Variants in KIF26B observed in about 807,000 individuals in gnomAD.
The protein encoded by KIF26B is kinesin family member 26B, also known as kinesin-like protein KIF26B.
Under a neutral mutation model 151.2 loss-of-function variants are expected in KIF26B, and 63 were observed. That is an observed-to-expected ratio of 0.42 (90% CI 0.34 to 0.51). The LOEUF (loss-of-function observed/expected upper bound fraction) is 0.51, where lower values mean the gene tolerates loss of function less well. Among genes scored for constraint, KIF26B ranks in the 20% least tolerant of loss-of-function variants. The pLI is 0.07. For synonymous variants in KIF26B, 1,357 were observed against 1,262.1 expected, an observed-to-expected ratio of 1.08 and a Z score of -1.59; for missense variants, 2,813 against 2,913.6, an observed-to-expected ratio of 0.97 and a Z score of 0.79.
At chr1:245,587,623 A>G (rs903790550) in intron 5 of KIF26B, among the ~76,000 whole-genome samples, 6 of 152,208 alleles carry the variant, frequency 3.9e-5, no homozygotes, top group African/African-American at 1.4e-4. Flanking sequence ...ATTAGGGAAC[A>G]GCAGCTTGAG....
intron 9 of KIF26B, among the ~76,000 whole-genome samples, chr1:245,643,291 TCTC>T (rs1333281209): frequency 6.6e-6 from 1 of 152,198 alleles, no homozygotes; most frequent in Non-Finnish European, 1.5e-5. Context: ...GTTCTCTCTC[TCTC>T]TTTTTTGCTT....
chr1:245,599,296 A>C lies in KIF26B; in HGVS notation c.1351-3281A>C, dbSNP rs566550878. Among the ~76,000 whole-genome samples the C allele has an allele frequency of 4.7e-4, 71 of 152,360 alleles. 1 individual carries two copies. In the South Asian group the frequency reaches 0.013, roughly 28 times the overall value. On this transcript the variant is annotated intron_variant, in intron 5 of 14. Coordinates refer to ENST00000407071, the MANE Select transcript of KIF26B (RefSeq NM_018012.4). Reference sequence around the variant, plus strand: ...AAGGGAAAAAAAAGTCCATTTATTTAGACGCATTGCAAAGAAAAGAATGGA... The same window carrying C: ...AAGGGAAAAAAAAGTCCATTTATTTCGACGCATTGCAAAGAAAAGAATGGA...
chr1:245,515,700 A>G (rs1156599501), intron 4 of KIF26B, among the ~76,000 whole-genome samples: 2 of 152,162 alleles, frequency 1.3e-5, no homozygotes, highest in Non-Finnish European at 2.9e-5. Context: ...TGGGCCCATT[A>G]TTTGTTGTAG....
At chr1:245,637,455 C>A (rs2043847944) in intron 9 of KIF26B, among the ~76,000 whole-genome samples, 2 of 152,020 alleles carry the variant, frequency 1.3e-5, no homozygotes, top group South Asian at 4.1e-4. Flanking sequence ...TTCTCCCATT[C>A]CATATGTAGG....
chr1:245,173,976 G>A lies in KIF26B; in HGVS notation c.465+17293G>A, dbSNP rs530617043. Among the ~76,000 whole-genome samples, 6 of 152,314 alleles carry A rather than the reference G, an allele frequency of 3.9e-5. No individual in the cohort carries two copies. In the East Asian group the frequency reaches 7.7e-4, roughly 20 times the overall value. On this transcript the variant is annotated intron_variant, in intron 2 of 14. Transcript: ENST00000407071. ...AAAGTTTTACACGGGCAGGGCAGTC[G>A]TCATCACTAAGTAAACACATTGAGC...
chr1:245,258,869 A>G (rs1670586089), intron 2 of KIF26B, among the ~76,000 whole-genome samples: 2 of 152,148 alleles, frequency 1.3e-5, no homozygotes, highest in African/African-American at 2.4e-5. Context: ...TGCTTAACCC[A>G]TCTCCGCTCC....
chr1:245,586,332 A>AT (rs772671174), intron 5 of KIF26B, among the ~76,000 whole-genome samples: 43 of 152,144 alleles, frequency 2.8e-4, no homozygotes, highest in Non-Finnish European at 1.0e-4. Context: ...AACTAACTTC[A>AT]TAACACTCCA....
chr1:245,488,084 G>A lies in KIF26B; in HGVS notation c.1167-52683G>A, dbSNP rs1020338435. The stretch of plus-strand genomic sequence containing the variant: ...ATTACAGGCATGAGCTGCCACGCCC[G>A]GCCATGTATCTTTTTAAGTACAGGT... On this transcript the variant is annotated intron_variant, in intron 4 of 14. Coordinates refer to ENST00000407071, the MANE Select transcript of KIF26B (RefSeq NM_018012.4). This position sits in a 1 kb window ranked among gnomAD's most constrained non-coding sequence, Gnocchi z 4.6. Among the ~76,000 whole-genome samples, 2 of 152,000 alleles carry A rather than the reference G, an allele frequency of 1.3e-5. No homozygotes were observed. Among genetic ancestry groups the A allele is most frequent in the South Asian group, 2.1e-4 (1 of 4,816 alleles).
chr1:245,632,903 A>G (rs2043795989), intron 9 of KIF26B, among the ~76,000 whole-genome samples: 2 of 152,160 alleles, frequency 1.3e-5, no homozygotes, highest in Non-Finnish European at 2.9e-5. Flanking sequence ...GTGAGACCCC[A>G]TACCAAAAAA....
chr1:245,380,505 C>T (rs1673381705), intron 3 of KIF26B, among the ~76,000 whole-genome samples: 1 of 152,300 alleles, frequency 6.6e-6, no homozygotes, highest in African/African-American at 2.4e-5. Flanking sequence ...TTGTTCATGA[C>T]GTGCTCCCTT....
At chr1:245,680,523 C>T (rs924399241) in intron 10 of KIF26B, among the ~76,000 whole-genome samples, 2 of 152,102 alleles carry the variant, frequency 1.3e-5, no homozygotes, top group Non-Finnish European at 1.5e-5. Flanking sequence ...TGGGGAGTCG[C>T]GGAAATACAC....
chr1:245,345,825 A>G lies in KIF26B; in HGVS notation c.466-21009A>G, dbSNP rs138809533. ...ATTGGAAGCTGCCTGAGGCCTCCCCAGAAGCAGATGCCACCATGCTTCCTG... is the reference window on the plus strand; with the variant it reads ...ATTGGAAGCTGCCTGAGGCCTCCCCGGAAGCAGATGCCACCATGCTTCCTG... On this transcript the variant is annotated intron_variant, in intron 2 of 14. Coordinates refer to ENST00000407071, the MANE Select transcript of KIF26B (RefSeq NM_018012.4). Among the ~76,000 whole-genome samples the G allele has an allele frequency of 9.1e-3, 1,382 of 152,138 alleles. 13 individuals carry two copies. Among genetic ancestry groups the G allele is most frequent in the Non-Finnish European group, 0.015 (1,046 of 68,008 alleles).
intron 2 of KIF26B, among the ~76,000 whole-genome samples, chr1:245,259,574 T>G (rs913550568): frequency 1.3e-5 from 2 of 152,188 alleles, no homozygotes; most frequent in African/African-American, 4.8e-5. Flanking sequence ...CTTCACCCAC[T>G]GAGAACCTGC....
rs932750607 is a variant in KIF26B, at chr1:245,698,599, C to T, written c.6028-288C>T. Among the ~76,000 whole-genome samples, 1 of 152,184 alleles carries T rather than the reference C, an allele frequency of 6.6e-6. No homozygotes were observed. The highest frequency in any genetic ancestry group is 2.4e-5 in the African/African-American group (1 of 41,444). On this transcript the variant is annotated intron_variant, in intron 13 of 14. Transcript: ENST00000407071. This position sits in a 1 kb window ranked among gnomAD's most constrained non-coding sequence, Gnocchi z 4.0. ...GGCTCCTTGAGGCTCCCAGTCTTAACCAACCTTTGTCCAACTTGAACACCC... is the reference window on the plus strand; with the variant it reads ...GGCTCCTTGAGGCTCCCAGTCTTAATCAACCTTTGTCCAACTTGAACACCC...
intron 3 of KIF26B, among the ~76,000 whole-genome samples, chr1:245,386,572 C>A (rs1673551269): frequency 6.6e-6 from 1 of 152,080 alleles, no homozygotes; most frequent in Non-Finnish European, 1.5e-5. Flanking sequence ...TTTGCCTCCC[C>A]CTCACTCACA....
chr1:245,573,400 A>G (rs1283948824), intron 5 of KIF26B, among the ~76,000 whole-genome samples: 1 of 152,056 alleles, frequency 6.6e-6, no homozygotes, highest in Non-Finnish European at 1.5e-5. Context: ...GTGGGTGCCT[A>G]TAGTCCCAGC....
intron 4 of KIF26B, among the ~76,000 whole-genome samples, chr1:245,482,972 C>G (rs942879979): frequency 1.3e-5 from 2 of 151,718 alleles, no homozygotes; most frequent in Non-Finnish European, 3.0e-5. Flanking sequence ...ACATTGAGTC[C>G]AAGCTGTTGG....
At chr1:245,163,805 ATTAT>A (rs1222535370) in intron 2 of KIF26B, among the ~76,000 whole-genome samples, 43 of 152,182 alleles carry the variant, frequency 2.8e-4, no homozygotes, top group African/African-American at 1.0e-3. Context: ...TTAATTGATA[ATTAT>A]TTATGTGAAG....
intron 2 of KIF26B, among the ~76,000 whole-genome samples, chr1:245,208,605 G>A (rs369241400): frequency 5.3e-5 from 8 of 152,164 alleles, no homozygotes; most frequent in Admixed American, 2.0e-4. Context: ...GGAGGCAAGC[G>A]GATGTCGATA....
Sources: allele counts gnomAD v4.1 joint callset (sites outside exome capture counted in the v4.1 genomes callset), GRCh38; gene constraint gnomAD v4.1.1; non-coding constraint Gnocchi (gnomAD v3.1); transcripts MANE v1.5; gene names NCBI Gene and HGNC (gene_info 2026-07-23, HGNC 2026-07-21).